MELK: variants seen among roughly 807,000 people sequenced by gnomAD.
MELK encodes the protein maternal embryonic leucine zipper kinase, also known as pEg3 kinase.
Under a neutral mutation model 85.0 loss-of-function variants are expected in MELK, and 81 were observed. That is an observed-to-expected ratio of 0.95 (90% CI 0.80 to 1.15). MELK has a LOEUF of 1.15. Ranked by LOEUF, MELK falls within the 50% of genes most tolerant of loss-of-function variation. MELK has a pLI of 0.00. For synonymous variants in MELK, 252 were observed against 265.0 expected (o/e 0.95, Z 0.48); for missense variants, 754 against 777.5 (o/e 0.97, Z 0.36).
At chr9:36,626,375 C>T (rs1449458438) in intron 8 of MELK, among the ~76,000 whole-genome samples, 2 of 151,110 alleles carry the variant, frequency 1.3e-5, no homozygotes, top group Non-Finnish European at 3.0e-5. Context: ...TAAGGGTAAT[C>T]ACCCTAGCAC....
At chr9:36,672,608 C>G (rs150467562) in intron 16 of MELK, among the ~76,000 whole-genome samples, 82 of 152,308 alleles carry the variant, frequency 5.4e-4, no homozygotes, top group Middle Eastern at 3.4e-3. Flanking sequence ...GGTTCTGGCT[C>G]CAGCTTTGTG....
intron 7 of MELK, among the ~76,000 whole-genome samples, chr9:36,604,174 G>A (rs1192983871): frequency 6.7e-6 from 1 of 150,250 alleles, no homozygotes; most frequent in Non-Finnish European, 1.5e-5. Context: ...TCTCCATGTT[G>A]GTCAGGCTGG....
At chr9:36,655,244 G>T (rs1180733828) in intron 12 of MELK, among the ~76,000 whole-genome samples, 1 of 152,200 alleles carries the variant, frequency 6.6e-6, no homozygotes, top group Admixed American at 6.5e-5. Flanking sequence ...GAAGTGGCCA[G>T]AGGTGTCCTG....
In MELK at chr9:36,615,289, C is replaced by T. The variant is rs1251118378; in HGVS notation, c.666+7616C>T. 2.9e-4 allele frequency among the ~76,000 whole-genome samples: 36 copies of T among 124,012 alleles called. 1 individual carries two copies. Among genetic ancestry groups the T allele is most frequent in the African/African-American group, 1.3e-3 (34 of 26,880 alleles). The allele number at this position is 124,012 out of a possible 152,430, so 81.4% of individuals were successfully genotyped here. ...CTCCCAGACGGCACGGCTGGCCAGGCGGGGGGCTGATCCCCCCACCTCCCT... is the reference window on the plus strand; with the variant it reads ...CTCCCAGACGGCACGGCTGGCCAGGTGGGGGGCTGATCCCCCCACCTCCCT... On this transcript the variant is annotated intron_variant, in intron 8 of 17. Coordinates refer to ENST00000298048, the MANE Select transcript of MELK (RefSeq NM_014791.4).
At position 36,650,044 on chromosome 9, in the gene MELK, C is replaced by T. The variant is rs189305709; in HGVS notation, c.922-1702C>T. The stretch of plus-strand genomic sequence containing the variant: ...CTGCAAGCTCTGTCTCCCAGATTCA[C>T]GTCATTCTCCTGCCTCAGCTTCCTG... On this transcript the variant is annotated intron_variant, in intron 11 of 17. Coordinates refer to ENST00000298048, the MANE Select transcript of MELK (RefSeq NM_014791.4). Among the ~76,000 whole-genome samples, 838 of 152,072 alleles carry T rather than the reference C, an allele frequency of 5.5e-3. 8 individuals carry two copies. Among genetic ancestry groups the T allele is most frequent in the African/African-American group, 0.019 (779 of 41,530 alleles).
At chr9:36,592,940 C>G (rs754434714) in intron 4 of MELK, among the ~76,000 whole-genome samples, 3 of 152,126 alleles carry the variant, frequency 2.0e-5, no homozygotes, top group African/African-American at 4.8e-5. Flanking sequence ...GAAGTTTTCC[C>G]TGTAACCATA....
chr9:36,580,849 C>T (rs768997496), intron 1 of MELK, among the ~76,000 whole-genome samples: 1 of 152,024 alleles, frequency 6.6e-6, no homozygotes, highest in Non-Finnish European at 1.5e-5. Context: ...CTGCATCAGC[C>T]TCCCAAGTAG....
chr9:36,596,576 T>TG, intron 5 of MELK, among the ~76,000 whole-genome samples: 1 of 109,526 alleles, frequency 9.1e-6, no homozygotes, highest in African/African-American at 5.8e-5. Flanking sequence ...TTTTTTGTTT[T>TG]TTTTGTTTTT....
chr9:36,670,593 C>T (rs2138085192), intron 15 of MELK, among the ~76,000 whole-genome samples: 1 of 150,924 alleles, frequency 6.6e-6, no homozygotes, highest in East Asian at 1.9e-4. Flanking sequence ...GTATATATAT[C>T]AGTGTATATC....
At chr9:36,668,775 G>C (rs1587628068) in intron 14 of MELK, among the ~76,000 whole-genome samples, 1 of 152,132 alleles carries the variant, frequency 6.6e-6, no homozygotes, top group South Asian at 2.1e-4. Context: ...GGCCTCCCAA[G>C]GTGCTGGGAT....
chr9:36,591,089 C>T (rs970122882), intron 4 of MELK, among the ~76,000 whole-genome samples: 1 of 151,984 alleles, frequency 6.6e-6, no homozygotes, highest in Non-Finnish European at 1.5e-5. Flanking sequence ...AAACCCCTGT[C>T]TCTAAAAAAT....
chr9:36,662,400 T>A (rs1469090562), intron 13 of MELK, among the ~76,000 whole-genome samples: 1 of 151,966 alleles, frequency 6.6e-6, no homozygotes, highest in Non-Finnish European at 1.5e-5. Flanking sequence ...CCCGCCACCA[T>A]GTCTGGCTAA....
intron 9 of MELK, among the ~76,000 whole-genome samples, chr9:36,631,174 G>A (rs1828571185): frequency 6.6e-6 from 1 of 151,948 alleles, no homozygotes; most frequent in Admixed American, 6.6e-5. Flanking sequence ...ATGTTAGCCA[G>A]GCTGGTCTCG....
chr9:36,599,311 A>G, intron 6 of MELK, 83 bp from the exon 7 acceptor site: 1 of 901,486 alleles, frequency 1.1e-6, no homozygotes, highest in Non-Finnish European at 1.6e-6. Flanking sequence ...AAAAAAAAAA[A>G]AAAAAAAAAA....
Position 36,677,340 on chromosome 9 carries a change from G to T in MELK, c.*3G>T. 1 of 1,609,120 alleles carries T rather than the reference G, an allele frequency of 6.2e-7. No individual in the cohort carries two copies. Among genetic ancestry groups the T allele is most frequent in the South Asian group, 1.1e-5 (1 of 90,158 alleles). On this transcript the variant is annotated 3_prime_UTR_variant, in exon 18 of 18. Transcript: ENST00000298048. ...TCCTATCTAGCTGCAAGGTATAATT[G>T]ATGGATTCTTCCATCCTGCCGGATG...
At chr9:36,619,296 A>G (rs972141453) in intron 8 of MELK, among the ~76,000 whole-genome samples, 9 of 152,190 alleles carry the variant, frequency 5.9e-5, no homozygotes, top group African/African-American at 1.9e-4. Context: ...CTTGATAAGT[A>G]TAATACCTCT....
intron 3 of MELK, among the ~76,000 whole-genome samples, chr9:36,586,108 A>C (rs1822871737): frequency 6.6e-6 from 1 of 152,128 alleles, no homozygotes. Context: ...TGGGAGAACA[A>C]GGTGGGTGGA....
intron 6 of MELK, 45 bp from the exon 7 acceptor site, chr9:36,599,349 C>CT: frequency 1.2e-6 from 1 of 859,444 alleles, no homozygotes; most frequent in South Asian, 1.4e-5. Context: ...GTTTAATTCT[C>CT]TTAAGCGTTG....
intron 8 of MELK, chr9:36,630,033 C>T (rs188387426): frequency 2.3e-5 from 7 of 299,168 alleles, no homozygotes; most frequent in African/African-American, 1.3e-4. Flanking sequence ...TTAGTAGAGA[C>T]AGTGTTTCAC....
Sources: gnomAD v4.1 joint callset for allele counts (sites outside exome capture counted in the v4.1 genomes callset) on GRCh38, gnomAD v4.1.1 for gene constraint, MANE v1.5 for transcripts, NCBI Gene and HGNC (gene_info 2026-07-23, HGNC 2026-07-21) for gene names.